NTRK2: variants seen among roughly 807,000 people sequenced by gnomAD.
The protein encoded by NTRK2 is neurotrophic receptor tyrosine kinase 2.
NTRK2 carries 13 observed loss-of-function variants against 94.5 expected under a neutral mutation model. The observed-to-expected ratio is 0.14, with a 90% CI of 0.09 to 0.22. The LOEUF is 0.22. Among genes scored for constraint, NTRK2 ranks in the 10% least tolerant of loss-of-function variants. The pLI is 1.00. For synonymous variants in NTRK2, 372 were observed against 407.4 expected, an observed-to-expected ratio of 0.91 and a Z score of 1.05; for missense variants, 639 against 1,071.2, an observed-to-expected ratio of 0.60 and a Z score of 5.63.
intron 12 of NTRK2, among the ~76,000 whole-genome samples, chr9:84,852,938 T>G (rs1263641851): frequency 6.6e-6 from 1 of 152,148 alleles, no homozygotes; most frequent in Non-Finnish European, 1.5e-5. Context: ...AAGCAATATC[T>G]GACCTCTAGT....
intron 11 of NTRK2, among the ~76,000 whole-genome samples, chr9:84,745,558 T>C (rs1227558124): frequency 6.6e-6 from 1 of 152,068 alleles, no homozygotes; most frequent in East Asian, 1.9e-4. Flanking sequence ...CAAATACAAA[T>C]AGAAGCAGAG....
At chr9:84,989,675 C>T (rs1828798617) in intron 17 of NTRK2, among the ~76,000 whole-genome samples, 1 of 152,228 alleles carries the variant, frequency 6.6e-6, no homozygotes, top group Non-Finnish European at 1.5e-5. Flanking sequence ...TCAATTTTCT[C>T]ATTTTCCAAA....
intron 13 of NTRK2, among the ~76,000 whole-genome samples, chr9:84,864,197 T>G (rs2075464262): frequency 6.6e-6 from 1 of 151,442 alleles, no homozygotes; most frequent in Admixed American, 6.6e-5. Context: ...CAGGGGAGAG[T>G]CAGAGAAGAA....
intron 4 of NTRK2, among the ~76,000 whole-genome samples, chr9:84,704,978 C>T (rs767282312): frequency 1.3e-5 from 2 of 152,072 alleles, no homozygotes; most frequent in Non-Finnish European, 2.9e-5. Context: ...CCCTGATTTT[C>T]CACATGCAAA....
At chr9:84,728,858 A>T (rs2062643646) in intron 9 of NTRK2, among the ~76,000 whole-genome samples, 1 of 152,230 alleles carries the variant, frequency 6.6e-6, no homozygotes, top group Admixed American at 6.5e-5. Flanking sequence ...CCTGCTTCAG[A>T]TGCTGTCCTT....
chr9:84,941,567 C>T (rs964753270), intron 15 of NTRK2, among the ~76,000 whole-genome samples: 1 of 152,190 alleles, frequency 6.6e-6, no homozygotes, highest in Non-Finnish European at 1.5e-5. Flanking sequence ...AATAGTTGTG[C>T]TGCTTTTTAA....
chr9:84,946,981 A>G (rs1352330186), intron 15 of NTRK2, among the ~76,000 whole-genome samples: 1 of 152,106 alleles, frequency 6.6e-6, no homozygotes, highest in Non-Finnish European at 1.5e-5. Flanking sequence ...TTGGAGACAG[A>G]GTCTCGCTCT....
At chr9:84,708,432 G>C (rs2061240661) in intron 5 of NTRK2, among the ~76,000 whole-genome samples, 1 of 148,422 alleles carries the variant, frequency 6.7e-6, no homozygotes, top group Non-Finnish European at 1.5e-5. Context: ...ATCTGTTATT[G>C]CATTCAATAT....
At chr9:84,870,331 G>GTGTGTGTGTATATATA (rs1349303529) in intron 14 of NTRK2, among the ~76,000 whole-genome samples, 36 of 31,182 alleles carry the variant, frequency 1.2e-3, no homozygotes, top group African/African-American at 2.9e-3. Context: ...GTGTGTGTGT[G>GTGTGTGTGTATATATA]TATATATATA....
intron 12 of NTRK2, among the ~76,000 whole-genome samples, chr9:84,757,538 TC>T (rs2065191506): frequency 6.6e-6 from 1 of 152,228 alleles, no homozygotes. Context: ...GAAACCTGGC[TC>T]TGCCTCTTAC....
At chr9:84,897,648 G>A (rs2076799059) in intron 14 of NTRK2, among the ~76,000 whole-genome samples, 1 of 152,214 alleles carries the variant, frequency 6.6e-6, no homozygotes, top group Admixed American at 6.5e-5. Context: ...AATGATGCCT[G>A]AGCCAGGTGT....
chr9:84,699,768 C>CT (rs1474779959), intron 2 of NTRK2, among the ~76,000 whole-genome samples: 1 of 140,506 alleles, frequency 7.1e-6, no homozygotes, highest in South Asian at 2.3e-4. Context: ...TGTTTTTTTT[C>CT]TTTTTTTTCC....
At chr9:84,946,832 G>C (rs1208851492) in intron 15 of NTRK2, among the ~76,000 whole-genome samples, 3 of 152,168 alleles carry the variant, frequency 2.0e-5, no homozygotes, top group Admixed American at 6.5e-5. Context: ...ATGTTTTCTT[G>C]TCATTTTCAG....
At chr9:84,986,057 G>T (rs1258928973) in intron 17 of NTRK2, among the ~76,000 whole-genome samples, 1 of 152,192 alleles carries the variant, frequency 6.6e-6, no homozygotes, top group Admixed American at 6.5e-5. Context: ...CTCAGAGTTT[G>T]AACAGTGGTT....
At chr9:84,777,875 C>T (rs865809369) in intron 12 of NTRK2, among the ~76,000 whole-genome samples, 1 of 152,124 alleles carries the variant, frequency 6.6e-6, no homozygotes, top group Non-Finnish European at 1.5e-5. Flanking sequence ...GTTCTCTTTG[C>T]CCCCGGTGAT....
intron 17 of NTRK2, among the ~76,000 whole-genome samples, chr9:84,956,172 T>C (rs1824099490): frequency 6.6e-6 from 1 of 152,174 alleles, no homozygotes; most frequent in South Asian, 2.1e-4. Flanking sequence ...ACATAAATAA[T>C]AGTACACCGG....
intron 12 of NTRK2, among the ~76,000 whole-genome samples, chr9:84,803,420 C>A (rs190654200): frequency 6.6e-6 from 1 of 152,332 alleles, no homozygotes; most frequent in South Asian, 2.1e-4. Flanking sequence ...CCTGCAGCAG[C>A]GTCAGAAGCA....
At position 84,846,451 on chromosome 9, in the gene NTRK2, A is replaced by T. The variant is rs148218399; in HGVS notation, c.1397-14589A>T. 2.7e-3 allele frequency among the ~76,000 whole-genome samples: 406 copies of T among 152,276 alleles called. 1 individual carries two copies. The highest frequency in any genetic ancestry group is 9.2e-3 in the African/African-American group (384 of 41,550). On this transcript the variant is annotated intron_variant, in intron 12 of 18. Transcript: ENST00000277120. The stretch of plus-strand genomic sequence containing the variant: ...TCCTTTTACAGTCAGCTCATTTTTC[A>T]TGATTCTTTATTTTTCCCACCAGCA...
At chr9:84,928,686 G>A (rs940332642) in intron 14 of NTRK2, among the ~76,000 whole-genome samples, 2 of 152,092 alleles carry the variant, frequency 1.3e-5, no homozygotes, top group South Asian at 4.2e-4. Context: ...TGTCAAACCC[G>A]AGGGAGCCAG....
Sources: gnomAD v4.1 joint callset for allele counts (sites outside exome capture counted in the v4.1 genomes callset) on GRCh38, gnomAD v4.1.1 for gene constraint, MANE v1.5 for transcripts, NCBI Gene and HGNC (gene_info 2026-07-23, HGNC 2026-07-21) for gene names.